Variants in XYLB observed in about 807,000 individuals in gnomAD.
XYLB encodes xylulose kinase.
In XYLB, 62 loss-of-function variants were observed where a neutral mutation model predicts 78.7. The observed-to-expected ratio is 0.79, with a 90% confidence interval of 0.64 to 0.97. The LOEUF (loss-of-function observed/expected upper bound fraction) is 0.97, where lower values mean the gene tolerates loss of function less well. XYLB is among the 50% of genes least tolerant of loss of function. XYLB has a pLI of 0.00. For synonymous variants in XYLB, 245 were observed against 247.4 expected, an observed-to-expected ratio of 0.99 and a Z score of 0.09; for missense variants, 687 against 676.8, an observed-to-expected ratio of 1.02 and a Z score of -0.17.
chr3:38,449,314 G>A, the XYLB span, among the ~76,000 whole-genome samples: 1 of 152,118 alleles, frequency 6.6e-6, no homozygotes, highest in Admixed American at 6.5e-5. Context: ...GTAGAGACAG[G>A]GTTTCACCGT....
intron 12 of XYLB, 116 bp from the exon 13 acceptor site, chr3:38,376,001 A>G (rs912628911): frequency 2.7e-6 from 2 of 740,726 alleles, no homozygotes; most frequent in Non-Finnish European, 4.9e-6. Context: ...TGCACTGACT[A>G]GGGGTCGTGG....
intron 2 of XYLB, among the ~76,000 whole-genome samples, chr3:38,350,651 A>G (rs1705307401): frequency 6.6e-6 from 1 of 152,018 alleles, no homozygotes; most frequent in Non-Finnish European, 1.5e-5. Flanking sequence ...CCTCAAGTGG[A>G]AACTTAGAGG....
chr3:38,360,520 C>T, intron 3 of XYLB, 112 bp downstream of exon 3: 3 of 876,282 alleles, frequency 3.4e-6, no homozygotes, highest in Non-Finnish European at 5.3e-6. Context: ...CTGTTGTCAC[C>T]AGGTCCTCAT....
downstream of XYLB, among the ~76,000 whole-genome samples, chr3:38,423,996 C>G (rs1460872202): frequency 6.6e-6 from 1 of 152,156 alleles, no homozygotes; most frequent in Non-Finnish European, 1.5e-5. Context: ...TGGATATGAC[C>G]TGCTCTAGGC....
intron 8 of XYLB, among the ~76,000 whole-genome samples, chr3:38,369,047 G>A (rs1706406167): frequency 6.6e-6 from 1 of 152,232 alleles, no homozygotes; most frequent in Non-Finnish European, 1.5e-5. Flanking sequence ...TGAGAAGAGT[G>A]TGGACAGAAT....
Position 38,395,555 on chromosome 3 carries a change from A to G in XYLB, c.1342A>G (p.Ile448Val), listed in dbSNP as rs572431589. 9 of 1,614,208 alleles carry G rather than the reference A, an allele frequency of 5.6e-6. No homozygotes were observed. In the South Asian group the frequency reaches 9.9e-5, roughly 18 times the overall value. Residue 448 changes from isoleucine to valine, a missense_variant, in exon 16 of 19, where the codon ATC becomes GTC. By Grantham distance (29) the Ile-to-Val change is conservative. Coordinates refer to ENST00000207870, the MANE Select transcript of XYLB (RefSeq NM_005108.4). The part of the protein sequence containing the change: ...ATGGASHNRE[I>V]LQVLADVFDA... ...AGGAGGAGCATCTCACAATAGAGAA[A>G]TCTTACAGGTAAGCGTTAGTAGTGG...
chr3:38,426,366 T>C, the XYLB span, among the ~76,000 whole-genome samples: 1 of 152,222 alleles, frequency 6.6e-6, no homozygotes, highest in Non-Finnish European at 1.5e-5. Context: ...ATCTGTATAA[T>C]GAAAGACAGC....
At chr3:38,397,359 A>G (rs1055821213) in intron 17 of XYLB, among the ~76,000 whole-genome samples, 200 bp downstream of exon 17, 1 of 152,110 alleles carries the variant, frequency 6.6e-6, no homozygotes, top group Admixed American at 6.5e-5. Flanking sequence ...CTTAAAGTGG[A>G]GAAAAAGAGG....
intron 15 of XYLB, among the ~76,000 whole-genome samples, chr3:38,383,722 G>A (rs1707255884): frequency 1.3e-5 from 2 of 152,140 alleles, no homozygotes; most frequent in Non-Finnish European, 2.9e-5. Context: ...GAGCCTGGGA[G>A]GTCAAGGCTG....
chr3:38,415,479 CA>C, downstream of XYLB, among the ~76,000 whole-genome samples: 1 of 152,118 alleles, frequency 6.6e-6, no homozygotes, highest in Non-Finnish European at 1.5e-5. Context: ...TCCCTTCTCA[CA>C]CTGGTATAAA....
chr3:38,409,606 T>C (rs958583348), intron 18 of XYLB, among the ~76,000 whole-genome samples: 24 of 152,202 alleles, frequency 1.6e-4, no homozygotes, highest in Non-Finnish European at 2.9e-4. Flanking sequence ...TGTCCCTGTT[T>C]GCAGATGACA....
chr3:38,419,817 CAT>C (rs1708920018), downstream of XYLB, among the ~76,000 whole-genome samples: 1 of 151,434 alleles, frequency 6.6e-6, no homozygotes, highest in South Asian at 2.1e-4. Flanking sequence ...TTGTTGCTAA[CAT>C]ATAAAAATCA....
chr3:38,410,340 G>C (rs1277920123), intron 18 of XYLB, among the ~76,000 whole-genome samples: 1 of 152,176 alleles, frequency 6.6e-6, no homozygotes. Context: ...TGTGTAGAAA[G>C]CTGAAACTGG....
intron 15 of XYLB, among the ~76,000 whole-genome samples, chr3:38,386,733 A>G (rs546158338): frequency 2.0e-5 from 3 of 152,352 alleles, no homozygotes; most frequent in East Asian, 3.9e-4. Context: ...TTGCACTACA[A>G]GAATGACTAA....
chr3:38,375,357 G>T lies in XYLB; in HGVS notation c.1004+98G>T, dbSNP rs541285001. The stretch of plus-strand genomic sequence containing the variant: ...CCCCAAGTCATTCCACTAAGCTCTG[G>T]AATGACTCCCTCCACTTTCCCGGGC... On this transcript the variant is annotated intron_variant, in intron 12 of 18. Coordinates refer to ENST00000207870, the MANE Select transcript of XYLB (RefSeq NM_005108.4). 186 of 1,039,564 alleles carry T rather than the reference G, an allele frequency of 1.8e-4. No homozygotes were observed. In the African/African-American group the frequency reaches 2.7e-3, roughly 15 times the overall value. 64.4% of individuals were successfully genotyped at this position (1,039,564 alleles called of 1,614,324 possible).
At chr3:38,424,769 TA>T (rs1709068431), downstream of XYLB, among the ~76,000 whole-genome samples, 1 of 152,236 alleles carries the variant, frequency 6.6e-6, no homozygotes, top group African/African-American at 2.4e-5. Flanking sequence ...TTCATGCAGA[TA>T]AACAACTGAT....
At chr3:38,399,438 A>G (rs760267356) in intron 17 of XYLB, among the ~76,000 whole-genome samples, 5 of 143,546 alleles carry the variant, frequency 3.5e-5, no homozygotes, top group Admixed American at 7.0e-5. Flanking sequence ...TGGAATATAC[A>G]ACCTAAATAA....
At chr3:38,365,173 G>C (rs1706182299) in intron 4 of XYLB, 26 bp from the exon 5 acceptor site, 10 of 1,611,816 alleles carry the variant, frequency 6.2e-6, no homozygotes, top group Non-Finnish European at 7.6e-6. Flanking sequence ...GTGGTCATGT[G>C]ACCATGTGCT....
the XYLB span, among the ~76,000 whole-genome samples, chr3:38,438,641 T>G: frequency 1.3e-5 from 2 of 152,210 alleles, no homozygotes; most frequent in African/African-American, 4.8e-5. Context: ...TTACAGCTCA[T>G]AAAGCTGGCA....
Sources: gnomAD v4.1 joint callset for allele counts (sites outside exome capture counted in the v4.1 genomes callset) on GRCh38, gnomAD v4.1.1 for gene constraint, MANE v1.5 for transcripts, NCBI Gene and HGNC (gene_info 2026-07-23, HGNC 2026-07-21) for gene names.